The following RNF180 variants were observed in gnomAD, a reference collection of about 807,000 sequenced individuals.
RNF180 encodes the protein E3 ubiquitin-protein ligase RNF180.
A neutral mutation model predicts 59.2 loss-of-function variants in RNF180; 38 were observed. That is an observed-to-expected ratio of 0.64 (90% confidence interval 0.50 to 0.84). The LOEUF (loss-of-function observed/expected upper bound fraction) is 0.84, where lower values mean the gene tolerates loss of function less well. Among genes scored for constraint, RNF180 ranks in the 40% least tolerant of loss-of-function variants. The pLI, the probability that RNF180 is intolerant of heterozygous loss-of-function variation, is 0.00. For synonymous variants in RNF180, 262 were observed against 240.3 expected, an observed-to-expected ratio of 1.09 and a Z score of -0.84; for missense variants, 705 against 700.9, an observed-to-expected ratio of 1.01 and a Z score of -0.07.
chr5:64,351,927 A>AG (rs1339976020), intron 7 of RNF180, among the ~76,000 whole-genome samples: 33 of 152,136 alleles, frequency 2.2e-4, no homozygotes, highest in African/African-American at 7.7e-4. Flanking sequence ...AAAATGAGTT[A>AG]GGAGGATTCC....
intron 5 of RNF180, among the ~76,000 whole-genome samples, chr5:64,229,808 GC>G (rs1181280075): frequency 4.6e-5 from 7 of 152,212 alleles, no homozygotes; most frequent in Non-Finnish European, 1.5e-5. Context: ...GAATTGGGGT[GC>G]TGGTAGAGAG....
chr5:64,252,363 A>G (rs571680450), intron 5 of RNF180, among the ~76,000 whole-genome samples: 8 of 152,218 alleles, frequency 5.3e-5, no homozygotes, highest in Admixed American at 2.6e-4. Flanking sequence ...TTTAAAAGAT[A>G]CATCATATGA....
chr5:64,256,957 T>C (rs895344234), intron 5 of RNF180, among the ~76,000 whole-genome samples: 1 of 152,200 alleles, frequency 6.6e-6, no homozygotes, highest in Non-Finnish European at 1.5e-5. Context: ...TTATTATCTT[T>C]GAAGCAATTG....
At chr5:64,340,144 G>A (rs1307825791) in intron 7 of RNF180, among the ~76,000 whole-genome samples, 1 of 152,052 alleles carries the variant, frequency 6.6e-6, no homozygotes, top group African/African-American at 2.4e-5. Context: ...ATAATTACAT[G>A]CATATGTATA....
Position 64,177,526 on chromosome 5 carries a change from CATATATATATATATATATATATAT to C in RNF180, c.-1+11590_-1+11613del, listed in dbSNP as rs58046669. Among the ~76,000 whole-genome samples the C allele has an allele frequency of 3.0e-3, 320 of 105,196 alleles. 3 individuals carry two copies. The East Asian group carries it at 0.084, about 27-fold the overall frequency. 69.0% of individuals were successfully genotyped at this position (105,196 alleles called of 152,430 possible). A position where few individuals can be genotyped will look rare whatever the true frequency, so the allele number is the denominator to read the frequency against. On this transcript the variant is annotated intron_variant, in intron 1 of 7. Transcript: ENST00000389100. ...TTTTTTTCAAAGGCATAAATTATGC[CATATATATATATATATATATATAT>C]ATATATATATATATATGTATTTATT...
intron 7 of RNF180, among the ~76,000 whole-genome samples, chr5:64,338,650 A>G (rs549643841): frequency 5.1e-4 from 77 of 151,742 alleles, no homozygotes; most frequent in African/African-American, 1.7e-3. Context: ...AAAAAAAAAA[A>G]GTAATGCTTT....
At chr5:64,273,848 G>C (rs963852345) in intron 5 of RNF180, among the ~76,000 whole-genome samples, 2 of 151,894 alleles carry the variant, frequency 1.3e-5, no homozygotes, top group African/African-American at 4.8e-5. Context: ...AATTTGAAAG[G>C]AATGGTGAAG....
chr5:64,353,317 A>G (rs1197867792), intron 7 of RNF180, among the ~76,000 whole-genome samples: 1 of 151,838 alleles, frequency 6.6e-6, no homozygotes, highest in African/African-American at 2.4e-5. Flanking sequence ...AAAATGTAAT[A>G]GAACATAAAC....
At chr5:64,255,869 C>G (rs941281486) in intron 5 of RNF180, among the ~76,000 whole-genome samples, 1 of 152,156 alleles carries the variant, frequency 6.6e-6, no homozygotes, top group Non-Finnish European at 1.5e-5. Context: ...CTATTGTTTC[C>G]TGACTTTTTA....
At chr5:64,186,769 C>G (rs1750893324) in intron 1 of RNF180, among the ~76,000 whole-genome samples, 1 of 152,098 alleles carries the variant, frequency 6.6e-6, no homozygotes, top group South Asian at 2.1e-4. Context: ...AATGAAAACT[C>G]TTCTTTGGAG....
intron 5 of RNF180, among the ~76,000 whole-genome samples, chr5:64,240,388 A>G (rs954960315): frequency 6.6e-6 from 1 of 152,224 alleles, no homozygotes; most frequent in Non-Finnish European, 1.5e-5. Flanking sequence ...CCATATGCCT[A>G]AATGAGGAGG....
In RNF180 at chr5:64,167,558, C is replaced by T. The variant is rs570314692; in HGVS notation, c.-1+1605C>T. ...CACTTTTTTGAGTGTGTCTGAGGACCGACACCAGCCTCTTTAATAAGCACC... is the reference window on the plus strand; with the variant it reads ...CACTTTTTTGAGTGTGTCTGAGGACTGACACCAGCCTCTTTAATAAGCACC... On this transcript the variant is annotated intron_variant, in intron 1 of 7. Coordinates refer to ENST00000389100, the MANE Select transcript of RNF180 (RefSeq NM_001113561.2). 4.6e-5 allele frequency among the ~76,000 whole-genome samples: 7 copies of T among 152,100 alleles called. No individual in the cohort carries two copies. The South Asian group carries it at 1.0e-3, about 23-fold the overall frequency.
intron 5 of RNF180, among the ~76,000 whole-genome samples, chr5:64,258,560 G>T (rs2112307443): frequency 6.6e-6 from 1 of 152,218 alleles, no homozygotes; most frequent in Non-Finnish European, 1.5e-5. Context: ...GAATGGGGGT[G>T]CTATTCCCTT....
chr5:64,238,734 C>A (rs114374130), intron 5 of RNF180, among the ~76,000 whole-genome samples: 235 of 152,248 alleles, frequency 1.5e-3, no homozygotes, highest in African/African-American at 5.5e-3. Flanking sequence ...TGGAGATTAA[C>A]CCCTTATCAG....
Position 64,330,424 on chromosome 5 carries a change from C to A in RNF180, c.1579+18C>A, listed in dbSNP as rs1744850349. ...TTTTGGAGGTAAGGAAATCTAACGC[C>A]AAAAAAAAAGTCTGGTAATTTTGTC... On this transcript the variant is annotated intron_variant, in intron 7 of 7. Coordinates refer to ENST00000389100, the MANE Select transcript of RNF180 (RefSeq NM_001113561.2). 7 of 1,487,764 alleles carry A rather than the reference C, an allele frequency of 4.7e-6. No homozygotes were observed. In the Admixed American group the frequency reaches 7.8e-5, roughly 17 times the overall value. The allele number at this position is 1,487,764 out of a possible 1,614,324, so 92.2% of individuals were successfully genotyped here.
intron 5 of RNF180, among the ~76,000 whole-genome samples, chr5:64,253,276 T>C (rs1743702790): frequency 6.6e-6 from 1 of 152,176 alleles, no homozygotes; most frequent in African/African-American, 2.4e-5. Flanking sequence ...AACTAAGGCA[T>C]GTCAATGAAG....
At position 64,294,086 on chromosome 5, in the gene RNF180, C is replaced by A. The variant is rs143737160; in HGVS notation, c.1228-31100C>A. ...AACGATCTCCAACAATTGTAGACTT[C>A]TTTTCTAACCACCTGCCTACCGTTT... is the stretch of plus-strand genomic sequence containing the variant. On this transcript the variant is annotated intron_variant, in intron 5 of 7. Coordinates refer to ENST00000389100, the MANE Select transcript of RNF180 (RefSeq NM_001113561.2). Among the ~76,000 whole-genome samples the A allele has an allele frequency of 3.9e-3, 588 of 152,278 alleles. 8 individuals carry two copies. The highest frequency in any genetic ancestry group is 0.012 in the African/African-American group (494 of 41,572).
intron 5 of RNF180, among the ~76,000 whole-genome samples, chr5:64,309,218 A>G (rs1743627835): frequency 6.6e-6 from 1 of 151,780 alleles, no homozygotes; most frequent in Non-Finnish European, 1.5e-5. Flanking sequence ...GAGCAGTTAT[A>G]TACCTTCAAT....
intron 5 of RNF180, among the ~76,000 whole-genome samples, chr5:64,263,612 C>T (rs2112326361): frequency 6.6e-6 from 1 of 152,240 alleles, no homozygotes; most frequent in Non-Finnish European, 1.5e-5. Context: ...GTTTCCTCAG[C>T]TGCACAAAAT....
Sources: gnomAD v4.1 joint callset for allele counts (sites outside exome capture counted in the v4.1 genomes callset) on GRCh38, gnomAD v4.1.1 for gene constraint, MANE v1.5 for transcripts, NCBI Gene and HGNC (gene_info 2026-07-23, HGNC 2026-07-21) for gene names.